NFAT5: variants seen among roughly 807,000 people sequenced by gnomAD.
The protein encoded by NFAT5 is nuclear factor of activated T-cells 5.
A neutral mutation model predicts 166.5 loss-of-function variants in NFAT5; 31 were observed. The observed-to-expected ratio is 0.19, with a 90% confidence interval of 0.14 to 0.25. NFAT5 has a LOEUF of 0.25. NFAT5 is among the 10% of genes least tolerant of loss of function. NFAT5 has a pLI of 1.00. For synonymous variants in NFAT5, 612 were observed against 639.7 expected, an observed-to-expected ratio of 0.96 and a Z score of 0.65; for missense variants, 1,449 against 1,821.8, an observed-to-expected ratio of 0.80 and a Z score of 3.72.
At chr16:69,640,638 T>C (rs549405773) in intron 3 of NFAT5, among the ~76,000 whole-genome samples, 1 of 152,318 alleles carries the variant, frequency 6.6e-6, no homozygotes, top group South Asian at 2.1e-4. Flanking sequence ...AAGAAAAATA[T>C]AATGCTTAAG....
chr16:69,570,869 C>T (rs996905017), intron 2 of NFAT5, among the ~76,000 whole-genome samples: 19 of 151,972 alleles, frequency 1.3e-4, no homozygotes, highest in African/African-American at 3.1e-4. Flanking sequence ...CATCTTTAAA[C>T]GGGAGCAATA....
chr16:69,587,508 G>GC (rs1432266491), intron 2 of NFAT5, among the ~76,000 whole-genome samples: 2 of 151,570 alleles, frequency 1.3e-5, no homozygotes, highest in Non-Finnish European at 2.9e-5. Context: ...TCCTACCTTA[G>GC]CCTCCTAAGT....
intron 2 of NFAT5, among the ~76,000 whole-genome samples, chr16:69,605,750 A>G (rs2033371184): frequency 6.6e-6 from 1 of 150,458 alleles, no homozygotes; most frequent in Admixed American, 6.6e-5. Flanking sequence ...TCTGTCGCCC[A>G]GGCAGGACTG....
rs746706289 is a variant in NFAT5 at position 69,691,734 on chromosome 16, AT to A, written c.1924-10del. 2 of 1,578,394 alleles carry A rather than the reference AT, an allele frequency of 1.3e-6. No homozygotes were observed. Among genetic ancestry groups the A allele is most frequent in the Non-Finnish European group, 1.7e-6 (2 of 1,164,804 alleles). On this transcript the variant is annotated splice_polypyrimidine_tract_variant and intron_variant, in intron 12 of 14. Coordinates refer to ENST00000349945, the MANE Select transcript of NFAT5 (RefSeq NM_138713.4). The stretch of plus-strand genomic sequence containing the variant: ...GTTTATATATTCATAATATTTGGGG[AT>A]TTTTATTTTTTAGACTACAAAGTCT...
chr16:69,672,594 AT>A (rs1025370428), intron 9 of NFAT5, among the ~76,000 whole-genome samples: 44 of 152,338 alleles, frequency 2.9e-4, no homozygotes, highest in African/African-American at 1.0e-3. Context: ...AGAAAAACTT[AT>A]TAGTTCATTT....
At chr16:69,612,093 T>G (rs1196201063) in intron 2 of NFAT5, among the ~76,000 whole-genome samples, 1 of 152,242 alleles carries the variant, frequency 6.6e-6, no homozygotes, top group Non-Finnish European at 1.5e-5. Flanking sequence ...TAGCAGTGTT[T>G]CTGAAATAAT....
chr16:69,619,168 G>A (rs540362472), intron 2 of NFAT5, among the ~76,000 whole-genome samples: 1 of 152,300 alleles, frequency 6.6e-6, no homozygotes, highest in East Asian at 1.9e-4. Context: ...CCCGAAAGCA[G>A]TTGAACACCA....
chr16:69,587,944 C>CT (rs61460423), intron 2 of NFAT5, among the ~76,000 whole-genome samples: 12,654 of 68,534 alleles, frequency 0.18, 3,201 homozygotes, highest in East Asian at 0.31. Flanking sequence ...ATAGTGCTTT[C>CT]TTTTTTTTTT....
chr16:69,687,580 C>A (rs887483660), intron 11 of NFAT5, among the ~76,000 whole-genome samples: 1 of 151,946 alleles, frequency 6.6e-6, no homozygotes, highest in African/African-American at 2.4e-5. Context: ...AGTAGACATA[C>A]TTGTCAGTGG....
intron 2 of NFAT5, among the ~76,000 whole-genome samples, chr16:69,583,766 T>C (rs1025571875): frequency 3.3e-5 from 5 of 152,228 alleles, no homozygotes; most frequent in African/African-American, 9.6e-5. Flanking sequence ...TTGATATTTA[T>C]TGAATGAAAG....
intron 3 of NFAT5, among the ~76,000 whole-genome samples, chr16:69,630,149 C>G (rs1302211918): frequency 3.3e-5 from 5 of 151,968 alleles, no homozygotes; most frequent in African/African-American, 1.2e-4. Flanking sequence ...GTTGGCCAGG[C>G]TGATCTCAAA....
intron 7 of NFAT5, among the ~76,000 whole-genome samples, chr16:69,667,947 ATTTTTTGT>A (rs1394083803): frequency 5.9e-5 from 9 of 151,792 alleles, no homozygotes; most frequent in Non-Finnish European, 2.9e-5. Flanking sequence ...GACAATACTT[ATTTTTTGT>A]TTTTTTGTTT....
chr16:69,648,792 T>C (rs1350956491), intron 4 of NFAT5: 2 of 958,370 alleles, frequency 2.1e-6, no homozygotes, highest in Non-Finnish European at 2.5e-6. Context: ...AAGCTTTAGA[T>C]TGATTTACTA....
At chr16:69,604,654 C>T (rs535145482) in intron 2 of NFAT5, among the ~76,000 whole-genome samples, 17 of 152,232 alleles carry the variant, frequency 1.1e-4, no homozygotes, top group Admixed American at 2.6e-4. Flanking sequence ...GCAACCACTA[C>T]CTCTATCTAT....
chr16:69,648,342 G>C (rs1314139206), intron 4 of NFAT5: 12 of 983,044 alleles, frequency 1.2e-5, no homozygotes, highest in Non-Finnish European at 1.4e-5. Context: ...CTCTTTAATT[G>C]ATGAAAACAA....
In NFAT5 at chr16:69,566,081, T is replaced by C. The variant is rs1371831439; in HGVS notation, c.-221T>C. 4.5e-6 allele frequency: 2 copies of C among 444,606 alleles called. No homozygotes were observed. Among genetic ancestry groups the C allele is most frequent in the African/African-American group, 4.4e-5 (2 of 45,164 alleles). The allele number at this position is 444,606 out of a possible 1,614,324, so 27.5% of individuals were successfully genotyped here. A position where few individuals can be genotyped will look rare whatever the true frequency, so the allele number is the denominator to read the frequency against. The stretch of plus-strand genomic sequence containing the variant: ...CCTTCCCCGTCCTGAACCCCTCTCC[T>C]GGTCACCGAGAATCAGTCCCCGTGG... On this transcript the variant is annotated 5_prime_UTR_variant, in exon 1 of 15. Transcript: ENST00000349945. The surrounding 1 kb of genome is among the most constrained non-coding windows in gnomAD (Gnocchi z 5.7).
rs1315861823 is a variant in NFAT5, at chr16:69,626,480, A to T, written c.205A>T (p.Thr69Ser). 1.9e-6 allele frequency: 3 copies of T among 1,591,086 alleles called. No individual in the cohort carries two copies. Among genetic ancestry groups the T allele is most frequent in the Non-Finnish European group, 2.6e-6 (3 of 1,169,434 alleles). ...RETSVASMSQ[T>S]SGGEAGSPPP... ...AACATCTGTAGCATCAATGAGTCAG[A>T]CAAGCGGTGGTGAGGCAGGCTCGCC... Residue 69 changes from threonine (T) to serine (S), a missense_variant, in exon 3 of 15, where the codon ACA becomes TCA. Transcript: ENST00000349945.
intron 7 of NFAT5, among the ~76,000 whole-genome samples, chr16:69,664,552 T>C (rs1209461461): frequency 2.0e-5 from 3 of 152,170 alleles, no homozygotes; most frequent in Admixed American, 6.6e-5. Context: ...CTCAGGGTGC[T>C]GGGATTACAG....
intron 3 of NFAT5, among the ~76,000 whole-genome samples, chr16:69,641,397 T>G (rs1185282043): frequency 6.6e-6 from 1 of 152,136 alleles, no homozygotes; most frequent in Non-Finnish European, 1.5e-5. Flanking sequence ...TTAGCACTCT[T>G]GCAAAATTTT....
Sources: allele counts gnomAD v4.1 joint callset (sites outside exome capture counted in the v4.1 genomes callset), GRCh38; gene constraint gnomAD v4.1.1; non-coding constraint Gnocchi (gnomAD v3.1); transcripts MANE v1.5; gene names NCBI Gene and HGNC (gene_info 2026-07-23, HGNC 2026-07-21).